LRRK1: variants seen among roughly 807,000 people sequenced by gnomAD.
The protein encoded by LRRK1 is leucine-rich repeat serine/threonine-protein kinase 1.
A neutral mutation model predicts 209.1 loss-of-function variants in LRRK1; 113 were observed. That is an observed-to-expected ratio of 0.54 (90% CI 0.46 to 0.63). The LOEUF is 0.63. LRRK1 is among the 30% of genes least tolerant of loss of function. The pLI, the probability that LRRK1 is intolerant of heterozygous loss-of-function variation, is 0.00. For missense variants in LRRK1, 2,284 were observed against 2,632.2 expected, an observed-to-expected ratio of 0.87 and a Z score of 2.89; for synonymous variants, 1,144 against 1,099.7, an observed-to-expected ratio of 1.04 and a Z score of -0.80.
chr15:100,964,686 T>C (rs561262379), intron 2 of LRRK1, among the ~76,000 whole-genome samples: 15 of 152,354 alleles, frequency 9.8e-5, no homozygotes, highest in Admixed American at 9.8e-4. Flanking sequence ...CGGCAGTGTC[T>C]TTTCTAAGAT....
chr15:100,990,051 C>T (rs1282883528), intron 6 of LRRK1, among the ~76,000 whole-genome samples: 1 of 152,166 alleles, frequency 6.6e-6, no homozygotes, highest in Non-Finnish European at 1.5e-5. Context: ...AATAGTTTAA[C>T]AACCTGGTAG....
chr15:100,957,917 G>A (rs1448678212), intron 2 of LRRK1, among the ~76,000 whole-genome samples: 1 of 152,244 alleles, frequency 6.6e-6, no homozygotes. Context: ...CCTGGCTGGA[G>A]TGCAGTGGCG....
intron 9 of LRRK1, 119 bp from the exon 10 acceptor site, chr15:101,011,889 A>G (rs1214893017): frequency 1.2e-5 from 9 of 735,172 alleles, no homozygotes; most frequent in Admixed American, 5.0e-5. Flanking sequence ...AGTCATCTTC[A>G]TTACAGGACA....
intron 29 of LRRK1, among the ~76,000 whole-genome samples, chr15:101,058,943 G>C (rs1377358503): frequency 6.6e-6 from 1 of 152,170 alleles, no homozygotes; most frequent in Non-Finnish European, 1.5e-5. Flanking sequence ...AGGATGCCTG[G>C]GGTAGAGTGA....
In LRRK1 at chr15:100,981,859, C is replaced by A. The variant is rs527706515; in HGVS notation, c.262-1669C>A. Among the ~76,000 whole-genome samples, 3 of 152,356 alleles carry A rather than the reference C, an allele frequency of 2.0e-5. No individual in the cohort carries two copies. The South Asian group carries it at 6.2e-4, about 32-fold the overall frequency. On this transcript the variant is annotated intron_variant, in intron 3 of 33. Coordinates refer to ENST00000388948, the MANE Select transcript of LRRK1 (RefSeq NM_024652.6). ...CTCCATTTTACCCATTCCTGCCCAA[C>A]TTACCTAAAATGATCTCCAAACACA...
At chr15:101,042,686 G>A (rs183111068) in intron 20 of LRRK1, among the ~76,000 whole-genome samples, 5 of 152,342 alleles carry the variant, frequency 3.3e-5, no homozygotes, top group African/African-American at 9.6e-5. Flanking sequence ...GGAAGGCAGG[G>A]GAGAGGGAGT....
rs1485161318 is a variant in LRRK1 at position 101,076,733 on chromosome 15, T to A, written c.*7885T>A. ...CCCCTCCCTTCCCTACACATCAAGC[T>A]CAGGGATTTGCCTCCACCCAGGACT... On this transcript the variant is annotated 3_prime_UTR_variant, in exon 34 of 34. Transcript: ENST00000388948. 6.6e-6 allele frequency: 1 copy of A among 152,330 alleles called. No homozygotes were observed. The highest frequency in any genetic ancestry group is 1.5e-5 in the Non-Finnish European group (1 of 68,170). 9.4% of individuals were successfully genotyped at this position (152,330 alleles called of 1,614,324 possible).
intron 7 of LRRK1, 109 bp from the exon 8 acceptor site, chr15:101,010,341 C>T: frequency 8.4e-7 from 1 of 1,183,646 alleles, no homozygotes; most frequent in Admixed American, 2.4e-5. Context: ...TTTAACCTTG[C>T]ATGGGGAGAA....
chr15:100,998,179 CA>C (rs536380783), intron 6 of LRRK1, among the ~76,000 whole-genome samples: 9,607 of 88,762 alleles, frequency 0.11, 295 homozygotes, highest in Middle Eastern at 0.18. Context: ...GACTCTGTCT[CA>C]AAAAAAAAAA....
In LRRK1 at chr15:101,057,013, C is replaced by T. The variant is rs767617347; in HGVS notation, c.4490C>T (p.Ala1497Val). The change falls in exon 28 of 34, where the codon GCG (alanine) becomes GTG (valine). Residue 1497 changes from alanine to valine, a missense_variant. Physicochemically the swap from Ala to Val is moderately conservative, Grantham distance 64 (BLOSUM62 0). Coordinates refer to ENST00000388948, the MANE Select transcript of LRRK1 (RefSeq NM_024652.6). ...PEEVQFRRLQ[A>V]LMMECWDTKP... ...GAAGTGCAGTTCCGGCGACTGCAGG[C>T]GCTCATGATGGAGTGCTGGGACACT... 23 of 1,613,324 alleles carry T rather than the reference C, an allele frequency of 1.4e-5. No individual in the cohort carries two copies. Among genetic ancestry groups the T allele is most frequent in the South Asian group, 2.2e-5 (2 of 90,960 alleles).
rs2041984347 is a variant in LRRK1, at chr15:100,919,673, T to C, written c.-123+222T>C. On this transcript the variant is annotated intron_variant, in intron 1 of 33. Transcript: ENST00000388948. The surrounding 1 kb of genome is among the most constrained non-coding windows in gnomAD (Gnocchi z 5.8). ...CGTGTGGGGCGACCCCGGTCTCACG[T>C]CCCCGCTGCCTCCCGCCGCGCCCGG... 6.6e-6 allele frequency among the ~76,000 whole-genome samples: 1 copy of C among 151,052 alleles called. No homozygotes were observed. The highest frequency in any genetic ancestry group is 1.5e-5 in the Non-Finnish European group (1 of 67,662).
At chr15:101,053,158 T>G in intron 25 of LRRK1, 65 bp from the exon 26 acceptor site, 1 of 1,591,888 alleles carries the variant, frequency 6.3e-7, no homozygotes, top group Non-Finnish European at 8.5e-7. Flanking sequence ...CTGTGCGGCC[T>G]TAGAGAGGCC....
chr15:101,057,910 C>T, intron 28 of LRRK1, 80 bp from the exon 29 acceptor site: 3 of 1,472,086 alleles, frequency 2.0e-6, no homozygotes, highest in Non-Finnish European at 2.8e-6. Flanking sequence ...CTGGTTGGGG[C>T]TGGCTGATCT....
Position 101,073,746 on chromosome 15 carries a change from C to T in LRRK1, c.*4898C>T, listed in dbSNP as rs908284860. On this transcript the variant is annotated 3_prime_UTR_variant, in exon 34 of 34. Transcript: ENST00000388948. ...GAGAGTAAGAACCCCTGAACCGCTT[C>T]TCTCCGTGTCTCTACTCTCCCTTTT... 1.3e-5 allele frequency: 2 copies of T among 152,252 alleles called. No individual in the cohort carries two copies. The highest frequency in any genetic ancestry group is 2.1e-4 in the South Asian group (1 of 4,824). The allele number at this position is 152,252 out of a possible 1,614,324, so 9.4% of individuals were successfully genotyped here.
At chr15:100,977,375 C>T (rs1185598742) in intron 3 of LRRK1, among the ~76,000 whole-genome samples, 1 of 152,122 alleles carries the variant, frequency 6.6e-6, no homozygotes, top group Non-Finnish European at 1.5e-5. Context: ...AGATTTCCAC[C>T]CTTGCCAGGC....
intron 33 of LRRK1, among the ~76,000 whole-genome samples, chr15:101,068,096 G>A (rs1226938005): frequency 6.6e-6 from 1 of 152,184 alleles, no homozygotes; most frequent in Non-Finnish European, 1.5e-5. Context: ...ACCAGGGCAG[G>A]GAGGCCACAC....
At chr15:100,929,949 A>G (rs1346830705) in intron 2 of LRRK1, among the ~76,000 whole-genome samples, 1 of 152,230 alleles carries the variant, frequency 6.6e-6, no homozygotes, top group Non-Finnish European at 1.5e-5. Flanking sequence ...GCTGTGCTTC[A>G]TGCTTACAAA....
chr15:101,014,289 T>C, intron 10 of LRRK1, 27 bp from the exon 11 acceptor site: 1 of 1,518,848 alleles, frequency 6.6e-7, no homozygotes, highest in South Asian at 1.1e-5. Context: ...CTATCTTAGC[T>C]TCTCTCTCCC....
At chr15:101,007,870 G>C (rs2033035405) in intron 6 of LRRK1, among the ~76,000 whole-genome samples, 1 of 152,164 alleles carries the variant, frequency 6.6e-6, no homozygotes, top group Non-Finnish European at 1.5e-5. Context: ...GTTGTTACTA[G>C]AGATAAGAAG....
Sources: gnomAD v4.1 joint callset for allele counts (sites outside exome capture counted in the v4.1 genomes callset) on GRCh38, gnomAD v4.1.1 for gene constraint, Gnocchi (gnomAD v3.1) non-coding constraint, MANE v1.5 for transcripts, NCBI Gene and HGNC (gene_info 2026-07-23, HGNC 2026-07-21) for gene names.